The following CUTC variants were observed in gnomAD, a reference collection of about 807,000 sequenced individuals.
The protein encoded by CUTC is copper homeostasis protein cutC homolog.
Under a neutral mutation model 36.2 loss-of-function variants are expected in CUTC, and 27 were observed. The ratio of observed to expected loss-of-function variants is 0.75; its 90% CI spans 0.55 to 1.03. The LOEUF (loss-of-function observed/expected upper bound fraction) is 1.03, where lower values mean the gene tolerates loss of function less well. Among genes scored for constraint, CUTC ranks in the 50% least tolerant of loss-of-function variants. CUTC has a pLI of 0.00. For missense variants in CUTC, 315 were observed against 343.5 expected (o/e 0.92, Z 0.66); for synonymous variants, 114 against 118.3 (o/e 0.96, Z 0.24).
chr10:99,734,330 G>A (rs1047652493), intron 1 of CUTC, among the ~76,000 whole-genome samples: 3 of 152,132 alleles, frequency 2.0e-5, no homozygotes, highest in African/African-American at 7.2e-5. Flanking sequence ...GCCTCCCAAA[G>A]TACTGGGATT....
At chr10:99,739,815 C>T (rs371633709) in intron 3 of CUTC, 46 bp downstream of exon 3, 47 of 1,525,056 alleles carry the variant, frequency 3.1e-5, no homozygotes, top group Non-Finnish European at 4.2e-5. Flanking sequence ...GTTCATAGAG[C>T]CTGGAAGCAA....
At chr10:99,751,302 A>G (rs1249439821) in intron 7 of CUTC, among the ~76,000 whole-genome samples, 1 of 152,178 alleles carries the variant, frequency 6.6e-6, no homozygotes, top group Non-Finnish European at 1.5e-5. Context: ...TATAGCTGAT[A>G]TGTTCAAACT....
chr10:99,737,718 A>G (rs142991405), intron 2 of CUTC, among the ~76,000 whole-genome samples: 9 of 152,348 alleles, frequency 5.9e-5, no homozygotes, highest in Non-Finnish European at 8.8e-5. Flanking sequence ...AAAACAAGCT[A>G]TGTGCCCATA....
chr10:99,739,108 G>C (rs2902298), intron 2 of CUTC, among the ~76,000 whole-genome samples: 146,831 of 152,260 alleles, frequency 0.96, 71,011 homozygotes, highest in East Asian at 1. Context: ...CATTATGAAT[G>C]TAGATTTAGA....
intron 2 of CUTC, among the ~76,000 whole-genome samples, chr10:99,737,426 A>G (rs542871702): frequency 4.1e-4 from 62 of 152,310 alleles, no homozygotes; most frequent in African/African-American, 1.4e-3. Context: ...ATATATATCC[A>G]AAATAGGTAA....
intron 6 of CUTC, 128 bp downstream of exon 6, chr10:99,747,518 G>A (rs1469756204): frequency 1.0e-5 from 10 of 990,080 alleles, no homozygotes; most frequent in South Asian, 1.7e-5. Flanking sequence ...AAGCAAGCAG[G>A]CAATAATGTA....
At chr10:99,742,479 T>C (rs1486972410) in intron 3 of CUTC, among the ~76,000 whole-genome samples, 1 of 152,188 alleles carries the variant, frequency 6.6e-6, no homozygotes, top group Non-Finnish European at 1.5e-5. Flanking sequence ...TATGATTCAT[T>C]GCTTAGTATT....
At chr10:99,739,629 G>GA (rs963767157) in intron 2 of CUTC, 81 bp from the exon 3 acceptor site, 10 of 1,299,498 alleles carry the variant, frequency 7.7e-6, no homozygotes, top group African/African-American at 3.0e-5. Flanking sequence ...TCTATATTTG[G>GA]AAAAAATATA....
intron 1 of CUTC, 130 bp downstream of exon 1, chr10:99,732,539 T>A: frequency 6.8e-7 from 1 of 1,479,922 alleles, no homozygotes. Flanking sequence ...GGGCGGCACC[T>A]TCTATCTTTG....
intron 6 of CUTC, among the ~76,000 whole-genome samples, chr10:99,750,085 G>T (rs2037405506): frequency 6.6e-6 from 1 of 151,950 alleles, no homozygotes; most frequent in East Asian, 1.9e-4. Context: ...AGAATTGGGG[G>T]CTTATATACC....
chr10:99,743,918 T>C (rs1209709548), intron 4 of CUTC, 119 bp from the exon 5 acceptor site: 2 of 647,618 alleles, frequency 3.1e-6, no homozygotes, highest in African/African-American at 3.8e-5. Context: ...ATTATGTCAG[T>C]TTACTGTCTT....
chr10:99,755,578 C>T (rs1362626296), intron 8 of CUTC, 47 bp from the exon 9 acceptor site: 1 of 1,238,878 alleles, frequency 8.1e-7, no homozygotes, highest in Non-Finnish European at 1.2e-6. Context: ...AGTAGGAGGG[C>T]CCATTTAATA....
In CUTC at chr10:99,732,436, G is replaced by A. The variant is rs1006945959; in HGVS notation, c.61+27G>A. 8 of 1,549,070 alleles carry A rather than the reference G, an allele frequency of 5.2e-6. No homozygotes were observed. In the African/African-American group the frequency reaches 1.1e-4, roughly 21 times the overall value. ...TGCGGAAGGTGGCGGGGGAGGGGACGGTCGGCCGAAGGCTCCCCGGGGCGG... is the reference window on the plus strand; with the variant it reads ...TGCGGAAGGTGGCGGGGGAGGGGACAGTCGGCCGAAGGCTCCCCGGGGCGG... On this transcript the variant is annotated intron_variant, in intron 1 of 8. Transcript: ENST00000370476.
intron 6 of CUTC, among the ~76,000 whole-genome samples, chr10:99,749,871 A>G (rs369877133): frequency 1.4e-3 from 208 of 151,986 alleles, no homozygotes; most frequent in African/African-American, 4.7e-3. Flanking sequence ...GTCTTTCTTG[A>G]ATGTGTAAGC....
In CUTC at chr10:99,748,431, C is replaced by T. The variant is rs114132235; in HGVS notation, c.573+1041C>T. Among the ~76,000 whole-genome samples, 1,092 of 152,256 alleles carry T rather than the reference C, an allele frequency of 7.2e-3. 22 individuals are homozygous for T. The highest frequency in any genetic ancestry group is 0.024 in the African/African-American group (988 of 41,550). On this transcript the variant is annotated intron_variant, in intron 6 of 8. Transcript: ENST00000370476. ...AATTTCTCCTAAAGATCTGATGTGA[C>T]TTTGCTATTCTGGGATGTAATGGTT...
At chr10:99,749,706 TAAC>T (rs1590121960) in intron 6 of CUTC, among the ~76,000 whole-genome samples, 1 of 152,174 alleles carries the variant, frequency 6.6e-6, no homozygotes, top group East Asian at 1.9e-4. Context: ...TTTATTTCCC[TAAC>T]AATTTTTAAA....
chr10:99,747,169 C>G (rs2037383871), intron 5 of CUTC, 88 bp from the exon 6 acceptor site: 3 of 1,436,474 alleles, frequency 2.1e-6, no homozygotes, highest in Non-Finnish European at 1.9e-6. Flanking sequence ...AAGCTAGGTC[C>G]AGCATGCCAC....
At chr10:99,735,271 A>G (rs2037287498) in intron 1 of CUTC, among the ~76,000 whole-genome samples, 1 of 152,236 alleles carries the variant, frequency 6.6e-6, no homozygotes, top group Non-Finnish European at 1.5e-5. Context: ...AAAGAGGGAC[A>G]TAAAATTTTC....
chr10:99,747,966 T>C (rs2037390984), intron 6 of CUTC, among the ~76,000 whole-genome samples: 1 of 149,740 alleles, frequency 6.7e-6, no homozygotes, highest in South Asian at 2.1e-4. Context: ...AGGAAATATA[T>C]TTTTCTATTT....
Sources: allele counts gnomAD v4.1 joint callset (sites outside exome capture counted in the v4.1 genomes callset), GRCh38; gene constraint gnomAD v4.1.1; transcripts MANE v1.5; gene names NCBI Gene and HGNC (gene_info 2026-07-23, HGNC 2026-07-21).